Variants in ATP2B4 observed in about 807,000 individuals in gnomAD.
ATP2B4 encodes ATPase plasma membrane Ca2+ transporting 4.
A neutral mutation model predicts 110.3 loss-of-function variants in ATP2B4; 39 were observed. That is an observed-to-expected ratio of 0.35 (90% CI 0.27 to 0.46). ATP2B4 has a LOEUF of 0.46. Ranked by LOEUF, ATP2B4 falls within the 20% of genes least tolerant of loss-of-function variation. The probability of loss-of-function intolerance (pLI) is 1.00; values close to 1 mark genes in which losing one functional copy is unlikely to be tolerated. For synonymous variants in ATP2B4, 538 were observed against 571.7 expected, an observed-to-expected ratio of 0.94 and a Z score of 0.84; for missense variants, 1,135 against 1,530.9, an observed-to-expected ratio of 0.74 and a Z score of 4.32.
chr1:203,703,853 T>C lies in ATP2B4; in HGVS notation c.1099+40T>C, dbSNP rs995193071. The C allele has an allele frequency of 3.1e-6, 5 of 1,596,190 alleles. No individual in the cohort carries two copies. In the African/African-American group the frequency reaches 5.4e-5, roughly 17 times the overall value. On this transcript the variant is annotated intron_variant, in intron 8 of 20. Transcript: ENST00000357681. The stretch of plus-strand genomic sequence containing the variant: ...GCCTCGTTGTGGTTTATCAATGTTG[T>C]CTTGGATCCTCATCACTTTTATCCC...
At chr1:203,699,818 G>A in intron 4 of ATP2B4, 101 bp downstream of exon 4, 3 of 1,522,694 alleles carry the variant, frequency 2.0e-6, no homozygotes, top group Admixed American at 2.0e-5. Flanking sequence ...AACCCAAAAA[G>A]ATAAGATCCA....
chr1:203,712,947 G>A (rs75756391), intron 13 of ATP2B4, among the ~76,000 whole-genome samples: 2,383 of 152,090 alleles, frequency 0.016, 67 homozygotes, highest in African/African-American at 0.055. Flanking sequence ...GGACTTGGGA[G>A]GAAAAAGAAA....
intron 1 of ATP2B4, among the ~76,000 whole-genome samples, chr1:203,633,958 G>A (rs1663357604): frequency 6.6e-6 from 1 of 152,128 alleles, no homozygotes; most frequent in African/African-American, 2.4e-5. Flanking sequence ...GCTGAGGCAG[G>A]AGAATCGCTT....
chr1:203,698,339 G>C lies in ATP2B4; in HGVS notation c.376G>C (p.Gly126Arg), dbSNP rs372768311. ...SLVLSFYRPA[G>R]EENELCGQVA... ...GGTCCTGTCCTTTTATCGCCCTGCT[G>C]GTGAAGAAAATGAACGTGAGTGTCC... Residue 126 changes from glycine to arginine, a missense_variant, in exon 3 of 21, where the codon GGT becomes CGT. Transcript: ENST00000357681. The C allele has an allele frequency of 1.4e-4, 221 of 1,614,074 alleles. No homozygotes were observed. Among genetic ancestry groups the C allele is most frequent in the South Asian group, 8.3e-4 (76 of 91,066 alleles).
intron 1 of ATP2B4, among the ~76,000 whole-genome samples, chr1:203,651,074 C>T (rs549528800): frequency 6.6e-6 from 1 of 152,196 alleles, no homozygotes; most frequent in East Asian, 1.9e-4. Flanking sequence ...CATGCCTGGC[C>T]TTGACTGTGT....
chr1:203,708,866 G>A (rs1007289874), intron 10 of ATP2B4, among the ~76,000 whole-genome samples: 2 of 151,766 alleles, frequency 1.3e-5, no homozygotes. Context: ...AAAAGAAAAA[G>A]AAAAAAGATG....
chr1:203,721,286 G>C lies in ATP2B4; in HGVS notation c.2688G>C (p.Thr896=), dbSNP rs200415493. Residue 896 remains threonine, a synonymous_variant, in exon 17 of 21, where the codon ACG becomes ACC. Coordinates refer to ENST00000357681, the MANE Select transcript of ATP2B4 (RefSeq NM_001684.5). ...ASLALATEPP[T]ESLLKRRPYG... Reference sequence around the variant, plus strand: ...TGGCCCTGGCCACAGAGCCCCCTACGGAATCTCTGTTGAAGCGGCGCCCCT... The same window carrying C: ...TGGCCCTGGCCACAGAGCCCCCTACCGAATCTCTGTTGAAGCGGCGCCCCT... The C allele has an allele frequency of 6.2e-7, 1 of 1,614,188 alleles. No individual in the cohort carries two copies. Among genetic ancestry groups the C allele is most frequent in the South Asian group, 1.1e-5 (1 of 91,080 alleles).
chr1:203,688,582 A>G (rs1665274654), intron 2 of ATP2B4, among the ~76,000 whole-genome samples: 3 of 152,134 alleles, frequency 2.0e-5, no homozygotes, highest in Admixed American at 2.0e-4. Context: ...GATTACAGGC[A>G]TGAGCCCTCA....
At chr1:203,695,704 C>A (rs1205091127) in intron 2 of ATP2B4, among the ~76,000 whole-genome samples, 1 of 142,120 alleles carries the variant, frequency 7.0e-6, no homozygotes, top group East Asian at 2.4e-4. Flanking sequence ...CCCCTGCCCC[C>A]CCACTTTCAT....
At chr1:203,672,045 G>A (rs1332254522) in intron 1 of ATP2B4, among the ~76,000 whole-genome samples, 1 of 152,198 alleles carries the variant, frequency 6.6e-6, no homozygotes, top group Non-Finnish European at 1.5e-5. Flanking sequence ...GAGTGCTGCT[G>A]TTAGAGCAAG....
intron 1 of ATP2B4, among the ~76,000 whole-genome samples, chr1:203,666,402 G>A (rs748164534): frequency 3.2e-4 from 48 of 152,304 alleles, no homozygotes; most frequent in Non-Finnish European, 6.0e-4. Context: ...AGCAAGGCAG[G>A]CCTCAATTCT....
chr1:203,709,595 C>A, intron 11 of ATP2B4, 53 bp downstream of exon 11: 1 of 1,608,508 alleles, frequency 6.2e-7, no homozygotes. Context: ...CTCAGGAAGG[C>A]ATGGGTGCAC....
intron 15 of ATP2B4, among the ~76,000 whole-genome samples, chr1:203,717,886 C>T (rs1422438741): frequency 6.6e-6 from 1 of 151,954 alleles, no homozygotes; most frequent in Non-Finnish European, 1.5e-5. Flanking sequence ...GCAAGTGATC[C>T]ACCTACCTCA....
At chr1:203,672,461 C>T (rs1254369419) in intron 1 of ATP2B4, among the ~76,000 whole-genome samples, 1 of 151,306 alleles carries the variant, frequency 6.6e-6, no homozygotes, top group Non-Finnish European at 1.5e-5. Context: ...CGTCGCTGGG[C>T]TGCACACTCG....
At chr1:203,628,129 C>G (rs968851658) in intron 1 of ATP2B4, among the ~76,000 whole-genome samples, 1 of 152,168 alleles carries the variant, frequency 6.6e-6, no homozygotes, top group African/African-American at 2.4e-5. Flanking sequence ...GTGGAAGGAT[C>G]CCTGAGCGTC....
intron 15 of ATP2B4, among the ~76,000 whole-genome samples, chr1:203,719,225 GAAAA>G (rs60841821): frequency 0.027 from 1,489 of 54,380 alleles, 27 homozygotes; most frequent in African/African-American, 0.1. Flanking sequence ...ACCCTGTCTC[GAAAA>G]AAAAAAAAAA....
intron 20 of ATP2B4, among the ~76,000 whole-genome samples, chr1:203,738,285 C>T (rs773424391): frequency 2.0e-5 from 3 of 152,106 alleles, no homozygotes; most frequent in Non-Finnish European, 4.4e-5. Context: ...CAACCCTCTC[C>T]CCCTACCCCA....
At position 203,629,502 on chromosome 1, in the gene ATP2B4, G is replaced by C. The variant is rs960840331; in HGVS notation, c.-465+2283G>C. Among the ~76,000 whole-genome samples, 24 of 152,118 alleles carry C rather than the reference G, an allele frequency of 1.6e-4. No homozygotes were observed. The highest frequency in any genetic ancestry group is 5.6e-4 in the African/African-American group (23 of 41,408). On this transcript the variant is annotated intron_variant, in intron 1 of 20. Transcript: ENST00000357681. This position sits in a 1 kb window ranked among gnomAD's most constrained non-coding sequence, Gnocchi z 4.6. ...TGAGGTCGTTATTTAGCGCGCACCG[G>C]GTCGCCTGAGCCCGGGGTCGCGGCC... is the stretch of plus-strand genomic sequence containing the variant.
rs771678625 is a variant in ATP2B4, at chr1:203,703,773, G to A, written c.1059G>A (p.Gln353=). The part of the protein sequence containing the change: ...KVPKKEKSVL[Q]GKLTRLAVQI... The stretch of plus-strand genomic sequence containing the variant: ...CTAAAAAGGAGAAGTCAGTGCTGCA[G>A]GGCAAGCTGACTCGCCTGGCTGTTC... Residue 353 remains glutamine, a synonymous_variant, in exon 8 of 21, where the codon CAG becomes CAA. Coordinates refer to ENST00000357681, the MANE Select transcript of ATP2B4 (RefSeq NM_001684.5). 2.0e-5 allele frequency: 32 copies of A among 1,614,130 alleles called. No homozygotes were observed. The highest frequency in any genetic ancestry group is 2.5e-5 in the Non-Finnish European group (30 of 1,179,992).
Sources: allele counts gnomAD v4.1 joint callset (sites outside exome capture counted in the v4.1 genomes callset), GRCh38; gene constraint gnomAD v4.1.1; non-coding constraint Gnocchi (gnomAD v3.1); transcripts MANE v1.5; gene names NCBI Gene and HGNC (gene_info 2026-07-23, HGNC 2026-07-21).